The following STIL variants were observed in gnomAD, a reference collection of about 807,000 sequenced individuals.
STIL encodes the protein STIL centriolar assembly protein.
A neutral mutation model predicts 110.1 loss-of-function variants in STIL; 55 were observed. That is an observed-to-expected ratio of 0.50 (90% CI 0.40 to 0.63). The LOEUF (loss-of-function observed/expected upper bound fraction) is 0.63. Among genes scored for constraint, STIL ranks in the 20% least tolerant of loss-of-function variants. The pLI, the probability that STIL is intolerant of heterozygous loss-of-function variation, is 0.00. For synonymous variants in STIL, 481 were observed against 530.0 expected, an observed-to-expected ratio of 0.91 and a Z score of 1.27; for missense variants, 1,358 against 1,530.0, an observed-to-expected ratio of 0.89 and a Z score of 1.87.
rs1461309893 is a variant in STIL at position 47,260,597 on chromosome 1, G to A, written c.2830-58C>T. On this transcript the variant is annotated intron_variant, in intron 15 of 16. Coordinates refer to ENST00000371877, the MANE Select transcript of STIL (RefSeq NM_001048166.1). Reference sequence around the variant, plus strand: ...TCACTATTAACAATGTTAGGGCTGGGTGTGGTGGTTCACACCTATAATCCC... The same window carrying A: ...TCACTATTAACAATGTTAGGGCTGGATGTGGTGGTTCACACCTATAATCCC... 4.5e-6 allele frequency: 7 copies of A among 1,568,084 alleles called. No individual in the cohort carries two copies. The East Asian group carries it at 1.3e-4, about 30-fold the overall frequency.
At chr1:47,285,910 T>A (rs1174048467) in intron 10 of STIL, among the ~76,000 whole-genome samples, 1 of 152,174 alleles carries the variant, frequency 6.6e-6, no homozygotes, top group Non-Finnish European at 1.5e-5. Context: ...GGTCTTACTC[T>A]GTTGCCCAGG....
chr1:47,273,870 G>A (rs1446506068), intron 12 of STIL, among the ~76,000 whole-genome samples: 1 of 152,130 alleles, frequency 6.6e-6, no homozygotes, highest in East Asian at 1.9e-4. Context: ...AATATAAACT[G>A]CGCTAATAGT....
At chr1:47,307,055 G>A (rs1645979938) in intron 2 of STIL, among the ~76,000 whole-genome samples, 1 of 152,186 alleles carries the variant, frequency 6.6e-6, no homozygotes, top group African/African-American at 2.4e-5. Context: ...AGAGGCTGAG[G>A]CACGAGAATC....
intron 2 of STIL, among the ~76,000 whole-genome samples, chr1:47,307,835 C>A (rs1414559536): frequency 1.3e-5 from 2 of 152,206 alleles, no homozygotes; most frequent in Non-Finnish European, 2.9e-5. Flanking sequence ...AAAGAAAATG[C>A]GCACCTAGGG....
At chr1:47,305,725 C>CA (rs1553182711) in intron 2 of STIL, among the ~76,000 whole-genome samples, 1 of 43,432 alleles carries the variant, frequency 2.3e-5, no homozygotes, top group Non-Finnish European at 3.7e-5. Flanking sequence ...CACGCCTGGC[C>CA]TTTTTTTTTT....
intron 3 of STIL, 63 bp downstream of exon 3, chr1:47,304,826 T>C (rs556149502): frequency 8.0e-7 from 1 of 1,246,310 alleles, no homozygotes; most frequent in East Asian, 2.4e-5. Flanking sequence ...AACTTTGCCT[T>C]ATACATCTTT....
intron 2 of STIL, among the ~76,000 whole-genome samples, chr1:47,308,883 G>A (rs1196767070): frequency 3.3e-5 from 5 of 151,870 alleles, no homozygotes; most frequent in African/African-American, 9.7e-5. Flanking sequence ...GTGAAACCCC[G>A]TCTCTACTAA....
At chr1:47,286,122 G>A (rs1012368669) in intron 10 of STIL, among the ~76,000 whole-genome samples, 3 of 151,770 alleles carry the variant, frequency 2.0e-5, no homozygotes, top group Non-Finnish European at 2.9e-5. Flanking sequence ...TGATCCGCCC[G>A]CCTCAGCCTC....
chr1:47,272,279 A>G, intron 12 of STIL, 38 bp from the exon 13 acceptor site: 1 of 1,610,986 alleles, frequency 6.2e-7, no homozygotes, highest in Non-Finnish European at 8.5e-7. Flanking sequence ...CTGACAGGGA[A>G]GTAATCAACA....
At chr1:47,314,341 C>T (rs531932703), upstream of STIL, among the ~76,000 whole-genome samples, 1 of 152,232 alleles carries the variant, frequency 6.6e-6, no homozygotes, top group Non-Finnish European at 1.5e-5. Flanking sequence ...TGGAGAACTG[C>T]GGGCGCCACC....
chr1:47,260,830 T>C (rs1479825655), intron 15 of STIL, among the ~76,000 whole-genome samples: 1 of 152,176 alleles, frequency 6.6e-6, no homozygotes, highest in African/African-American at 2.4e-5. Context: ...ATTGTGCCAC[T>C]ATATCCTGCG....
In STIL at chr1:47,304,891, G is replaced by A. The variant is rs1645907231; in HGVS notation, c.150C>T (p.Tyr50=). ...GDFIYLHLSY[Y]RNPKLVVTEK... ...TGAAAAAAAGAAACATGTTATACCT[G>A]TAGTAACTGAGATGTAAGTAGATGA... The change falls in exon 3 of 17, where the codon TAC becomes TAT. Residue 50 remains tyrosine (Y), a splice_region_variant and synonymous_variant. Coordinates refer to ENST00000371877, the MANE Select transcript of STIL (RefSeq NM_001048166.1). 3 of 1,602,762 alleles carry A rather than the reference G, an allele frequency of 1.9e-6. No homozygotes were observed. The highest frequency in any genetic ancestry group is 2.6e-6 in the Non-Finnish European group (3 of 1,169,854).
chr1:47,299,806 C>A (rs969893207), intron 6 of STIL, 99 bp downstream of exon 6: 24 of 1,258,326 alleles, frequency 1.9e-5, no homozygotes, highest in Non-Finnish European at 2.6e-5. Flanking sequence ...CACCATATCT[C>A]TGGCATATAA....
At position 47,310,279 on chromosome 1, in the gene STIL, G is replaced by A. The variant is rs148783889; in HGVS notation, c.41C>T (p.Thr14Ile). ...IYPFARPQMN[T>I]RFPSSRMVPF... ...ATTTGTAAATATACTTCTATACCTG[G>A]TATTCATCTGGGGCCGTGCAAAAGG... Residue 14 changes from threonine to isoleucine, a missense_variant, in exon 2 of 17, where the codon ACC becomes ATC. Coordinates refer to ENST00000371877, the MANE Select transcript of STIL (RefSeq NM_001048166.1). 6 of 1,612,412 alleles carry A rather than the reference G, an allele frequency of 3.7e-6. No individual in the cohort carries two copies. In the African/African-American group the frequency reaches 8.0e-5, roughly 22 times the overall value.
chr1:47,264,310 TTTC>T (rs1436456853), intron 14 of STIL, among the ~76,000 whole-genome samples: 3 of 152,148 alleles, frequency 2.0e-5, no homozygotes, highest in South Asian at 4.1e-4. Flanking sequence ...GAGAAACAAA[TTTC>T]TGTTGTTTAT....
At chr1:47,253,064 C>T (rs1644232703) in intron 16 of STIL, among the ~76,000 whole-genome samples, 2 of 152,138 alleles carry the variant, frequency 1.3e-5, no homozygotes, top group Non-Finnish European at 2.9e-5. Context: ...GAGCCTCCCT[C>T]CTCGAATTCC....
intron 9 of STIL, 141 bp from the exon 10 acceptor site, chr1:47,287,801 C>G: frequency 1.5e-6 from 1 of 668,986 alleles, no homozygotes; most frequent in African/African-American, 1.8e-5. Context: ...TGTAAACTGT[C>G]CAGTTCCCTG....
Position 47,269,806 on chromosome 1 carries a change from T to A in STIL, c.2444A>T (p.Gln815Leu). Residue 815 changes from glutamine to leucine, a missense_variant, in exon 14 of 17, where the codon CAA becomes CTA. Physicochemically the swap from Gln to Leu is moderately radical, Grantham distance 113. Coordinates refer to ENST00000371877, the MANE Select transcript of STIL (RefSeq NM_001048166.1). ...CTCACTGGAAATTTTGGTATCATCT[T>A]GCTTCATTTGAGAGTCAGGCTCTTG... is the stretch of plus-strand genomic sequence containing the variant. ...EDQEPDSQMK[Q>L]DDTKISSEDM... The A allele has an allele frequency of 6.2e-7, 1 of 1,614,236 alleles. No homozygotes were observed.
At chr1:47,265,265 A>C (rs1240364907) in intron 14 of STIL, among the ~76,000 whole-genome samples, 1 of 149,616 alleles carries the variant, frequency 6.7e-6, no homozygotes, top group East Asian at 1.9e-4. Flanking sequence ...AAAAAACACA[A>C]GATTGGATAT....
Sources: gnomAD v4.1 joint callset for allele counts (sites outside exome capture counted in the v4.1 genomes callset) on GRCh38, gnomAD v4.1.1 for gene constraint, MANE v1.5 for transcripts, NCBI Gene and HGNC (gene_info 2026-07-23, HGNC 2026-07-21) for gene names.